Variants in CEACAM1 observed in about 807,000 individuals in gnomAD.
CEACAM1 encodes cell adhesion molecule CEACAM1.
A neutral mutation model predicts 49.1 loss-of-function variants in CEACAM1; 31 were observed. The observed-to-expected ratio is 0.63, with a 90% CI of 0.47 to 0.85. The LOEUF is 0.85. Ranked by LOEUF, CEACAM1 falls within the 40% of genes least tolerant of loss-of-function variation. The pLI is 0.00. For synonymous variants in CEACAM1, 244 were observed against 247.8 expected (o/e 0.98, Z 0.14); for missense variants, 570 against 645.3 (o/e 0.88, Z 1.26).
At chr19:42,522,949 A>G (rs1006241248) in intron 2 of CEACAM1, among the ~76,000 whole-genome samples, 1 of 152,232 alleles carries the variant, frequency 6.6e-6, no homozygotes, top group Non-Finnish European at 1.5e-5. Context: ...GAGGGCTCAG[A>G]GACCGTGAGG....
chr19:42,508,048 G>A lies in CEACAM1; in HGVS notation c.*1061C>T, dbSNP rs529052748. ...GCCTCTGACAAAAAAAATCTTGAGAGGCTCCTGACCAAGGGACCTGAGGGA... is the reference window on the plus strand; with the variant it reads ...GCCTCTGACAAAAAAAATCTTGAGAAGCTCCTGACCAAGGGACCTGAGGGA... On this transcript the variant is annotated 3_prime_UTR_variant, in exon 9 of 9. Transcript: ENST00000161559. The A allele has an allele frequency of 6.6e-6, 1 of 152,220 alleles. No homozygotes were observed. The highest frequency in any genetic ancestry group is 1.9e-4 in the East Asian group (1 of 5,182). 9.4% of individuals were successfully genotyped at this position (152,220 alleles called of 1,614,324 possible). A position where few individuals can be genotyped will look rare whatever the true frequency, so the allele number is the denominator to read the frequency against.
intron 5 of CEACAM1, among the ~76,000 whole-genome samples, chr19:42,514,419 C>A (rs909065516): frequency 3.3e-5 from 5 of 152,104 alleles, no homozygotes; most frequent in Non-Finnish European, 7.3e-5. Context: ...GCGTGAGCCA[C>A]CACGCCCACC....
chr19:42,513,187 T>C (rs2041504952), intron 5 of CEACAM1, among the ~76,000 whole-genome samples: 1 of 152,248 alleles, frequency 6.6e-6, no homozygotes, highest in South Asian at 2.1e-4. Context: ...CATAGAGAAC[T>C]GGCTTCCCAC....
chr19:42,523,199 C>G (rs928939133), intron 2 of CEACAM1, among the ~76,000 whole-genome samples: 1 of 152,212 alleles, frequency 6.6e-6, no homozygotes, highest in Non-Finnish European at 1.5e-5. Context: ...TGCAGCTTCC[C>G]TGTCTGAGGA....
chr19:42,510,839 C>T lies in CEACAM1; in HGVS notation c.1461+50G>A, dbSNP rs368995051. On this transcript the variant is annotated intron_variant, in intron 8 of 8. Coordinates refer to ENST00000161559, the MANE Select transcript of CEACAM1 (RefSeq NM_001712.5). ...GTCTTCATGAATAATCAATTCTACA[C>T]AGAATCATTTCCATGAGAAAATAAG... 6.4e-5 allele frequency: 98 copies of T among 1,531,060 alleles called. 1 individual carries two copies. The East Asian group carries it at 1.7e-3, about 26-fold the overall frequency. 94.8% of individuals were successfully genotyped at this position (1,531,060 alleles called of 1,614,324 possible).
rs967179497 is a variant in CEACAM1 at position 42,507,834 on chromosome 19, C to T, written c.*1275G>A. 2.0e-5 allele frequency: 3 copies of T among 152,368 alleles called. No homozygotes were observed. Among genetic ancestry groups the T allele is most frequent in the South Asian group, 2.1e-4 (1 of 4,826 alleles). The allele number at this position is 152,368 out of a possible 1,614,324, so 9.4% of individuals were successfully genotyped here. A position where few individuals can be genotyped will look rare whatever the true frequency, so the allele number is the denominator to read the frequency against. On this transcript the variant is annotated 3_prime_UTR_variant, in exon 9 of 9. Coordinates refer to ENST00000161559, the MANE Select transcript of CEACAM1 (RefSeq NM_001712.5). ...GTGTCCCTGTAGGGTGCTCCCACTT[C>T]TCAAGGACCAAATACACCTTAGCAG...
intron 2 of CEACAM1, among the ~76,000 whole-genome samples, chr19:42,523,670 G>C (rs2041816818): frequency 6.6e-6 from 1 of 152,226 alleles, no homozygotes; most frequent in Non-Finnish European, 1.5e-5. Context: ...CATGGACCGT[G>C]TGTGTTTGGT....
chr19:42,522,493 G>A (rs1332626023), intron 2 of CEACAM1, among the ~76,000 whole-genome samples: 3 of 151,358 alleles, frequency 2.0e-5, no homozygotes, highest in Non-Finnish European at 4.4e-5. Flanking sequence ...CTGGCAATCC[G>A]CCCGATTCGG....
At chr19:42,514,415 G>A (rs2041548239) in intron 5 of CEACAM1, among the ~76,000 whole-genome samples, 1 of 152,064 alleles carries the variant, frequency 6.6e-6, no homozygotes, top group Non-Finnish European at 1.5e-5. Flanking sequence ...ACAGGCGTGA[G>A]CCACCACGCC....
At chr19:42,519,570 C>T (rs1265436621) in intron 4 of CEACAM1, 3 of 168,242 alleles carry the variant, frequency 1.8e-5, no homozygotes, top group South Asian at 2.2e-4. Context: ...TTCCCACTGA[C>T]TTTTTTTTTT....
In CEACAM1 at chr19:42,508,185, G is replaced by A. The variant is rs1407785910; in HGVS notation, c.*924C>T. On this transcript the variant is annotated 3_prime_UTR_variant, in exon 9 of 9. Transcript: ENST00000161559. ...GTTACAAAAATTAAAATGGTGGAATGTCTCAGAGAAAAGGAGAAAAATCCC... is the reference window on the plus strand; with the variant it reads ...GTTACAAAAATTAAAATGGTGGAATATCTCAGAGAAAAGGAGAAAAATCCC... The A allele has an allele frequency of 6.6e-6, 1 of 152,124 alleles. No homozygotes were observed. The highest frequency in any genetic ancestry group is 2.4e-5 in the African/African-American group (1 of 41,434). The allele number at this position is 152,124 out of a possible 1,614,324, so 9.4% of individuals were successfully genotyped here. A position where few individuals can be genotyped will look rare whatever the true frequency, so the allele number is the denominator to read the frequency against.
Position 42,524,713 on chromosome 19 carries a change from A to T in CEACAM1, c.424+2328T>A, listed in dbSNP as rs1038440849. ...AGTTCAGCTGGGATAAAAGGAGAGGAAAATGAGGACATGGAGGAGCAGAGA... is the reference window on the plus strand; with the variant it reads ...AGTTCAGCTGGGATAAAAGGAGAGGTAAATGAGGACATGGAGGAGCAGAGA... On this transcript the variant is annotated intron_variant, in intron 2 of 8. Transcript: ENST00000161559. Among the ~76,000 whole-genome samples the T allele has an allele frequency of 3.3e-5, 5 of 152,240 alleles. No homozygotes were observed. The South Asian group carries it at 1.0e-3, about 32-fold the overall frequency.
chr19:42,513,917 T>TATATATAA (rs1395679051), intron 5 of CEACAM1, among the ~76,000 whole-genome samples: 4 of 129,646 alleles, frequency 3.1e-5, no homozygotes, highest in South Asian at 2.3e-4. Context: ...TATATATATA[T>TATATATAA]AATATATAAA....
intron 5 of CEACAM1, among the ~76,000 whole-genome samples, chr19:42,514,602 A>G (rs1241059438): frequency 6.6e-6 from 1 of 152,160 alleles, no homozygotes; most frequent in Non-Finnish European, 1.5e-5. Context: ...ATCTGTTGCA[A>G]CTATTTGGGG....
chr19:42,510,867 C>T (rs1266719400), intron 8 of CEACAM1, 22 bp downstream of exon 8: 1 of 1,602,898 alleles, frequency 6.2e-7, no homozygotes, highest in Non-Finnish European at 8.5e-7. Flanking sequence ...AAAATAAGCC[C>T]ATGAAAACCG....
intron 5 of CEACAM1, 143 bp downstream of exon 5, chr19:42,518,805 T>G: frequency 2.0e-6 from 2 of 988,200 alleles, no homozygotes; most frequent in Non-Finnish European, 3.1e-6. Context: ...CGGCCTGAGC[T>G]GAGCTCTTAA....
At chr19:42,522,787 C>G (rs574948579) in intron 2 of CEACAM1, among the ~76,000 whole-genome samples, 20 of 152,214 alleles carry the variant, frequency 1.3e-4, no homozygotes, top group Admixed American at 9.2e-4. Flanking sequence ...ACCTCCTGAC[C>G]TCGTGATCTG....
intron 6 of CEACAM1, 117 bp downstream of exon 6, chr19:42,512,233 G>A (rs1418488586): frequency 8.5e-7 from 1 of 1,172,350 alleles, no homozygotes; most frequent in Non-Finnish European, 1.2e-6. Context: ...CGAGAAGCAG[G>A]AGTTTAGTGG....
intron 5 of CEACAM1, among the ~76,000 whole-genome samples, chr19:42,518,217 A>G (rs2041646810): frequency 6.6e-6 from 1 of 152,168 alleles, no homozygotes; most frequent in African/African-American, 2.4e-5. Context: ...GATTGAGACC[A>G]GCCTGGGCAA....
Sources: allele counts gnomAD v4.1 joint callset (sites outside exome capture counted in the v4.1 genomes callset), GRCh38; gene constraint gnomAD v4.1.1; transcripts MANE v1.5; gene names NCBI Gene and HGNC (gene_info 2026-07-23, HGNC 2026-07-21).